The following PEX6 variants were observed in gnomAD, a reference collection of about 807,000 sequenced individuals.
PEX6 encodes peroxisomal biogenesis factor 6.
Under a neutral mutation model 85.6 loss-of-function variants are expected in PEX6, and 55 were observed. That is an observed-to-expected ratio of 0.64 (90% CI 0.52 to 0.80). The LOEUF (loss-of-function observed/expected upper bound fraction) is 0.80, where lower values mean the gene tolerates loss of function less well. PEX6 is among the 30% of genes least tolerant of loss of function. The probability of loss-of-function intolerance (pLI) is 0.00; values close to 1 mark genes in which losing one functional copy is unlikely to be tolerated. For missense variants in PEX6, 1,099 were observed against 1,260.3 expected (o/e 0.87, Z 1.94); for synonymous variants, 519 against 549.1 (o/e 0.95, Z 0.77).
chr6:42,966,941 C>A, intron 8 of PEX6, 83 bp from the exon 9 acceptor site: 1 of 961,286 alleles, frequency 1.0e-6, no homozygotes, highest in Non-Finnish European at 1.7e-6. Context: ...AGAGCAGAGG[C>A]CCTCTGTTGA....
intron 1 of PEX6, 95 bp downstream of exon 1, chr6:42,978,174 T>C (rs1770384357): frequency 2.1e-6 from 3 of 1,416,056 alleles, no homozygotes; most frequent in Admixed American, 1.7e-5. Context: ...TCCGGGATGA[T>C]ATGGGGCACG....
chr6:42,974,442 G>GTTTTTTTT (rs71855084), intron 2 of PEX6, among the ~76,000 whole-genome samples: 19 of 115,942 alleles, frequency 1.6e-4, no homozygotes, highest in Non-Finnish European at 2.6e-4. Flanking sequence ...TGTCTGAAAT[G>GTTTTTTTT]TTTTTTTTGT....
intron 3 of PEX6, among the ~76,000 whole-genome samples, chr6:42,972,536 C>T (rs886943002): frequency 1.3e-5 from 2 of 152,158 alleles, no homozygotes; most frequent in East Asian, 1.9e-4. Context: ...TTTGGGAGGC[C>T]GAGGCGGGCG....
Position 42,964,286 on chromosome 6 carries a change from C to G in PEX6, c.*49G>C. The G allele has an allele frequency of 6.2e-7, 1 of 1,609,694 alleles. No homozygotes were observed. The highest frequency in any genetic ancestry group is 8.5e-7 in the Non-Finnish European group (1 of 1,177,210). ...CTTCCCAGATCTCTCTGTGGGCTAT[C>G]AAGGTACCTGCAGCCATGCTGAGCG... On this transcript the variant is annotated 3_prime_UTR_variant, in exon 17 of 17. Transcript: ENST00000304611. The surrounding 1 kb of genome is among the most constrained non-coding windows in gnomAD (Gnocchi z 4.6).
At chr6:42,977,989 A>AT (rs1770375710) in intron 1 of PEX6, among the ~76,000 whole-genome samples, 1 of 151,446 alleles carries the variant, frequency 6.6e-6, no homozygotes. Context: ...GATTAGAGGC[A>AT]TGCACCACCA....
In PEX6 at chr6:42,971,977, T is replaced by G. The variant is rs1039792007; in HGVS notation, c.1131-1990A>C. ...AGCCTGGCATTTTCCACCAGACTCG[T>G]GGACTTAATCTGGAAAACCTCGAAG... On this transcript the variant is annotated intron_variant, in intron 3 of 16. Transcript: ENST00000304611. The surrounding 1 kb of genome is among the most constrained non-coding windows in gnomAD (Gnocchi z 4.4). Among the ~76,000 whole-genome samples, 16 of 152,308 alleles carry G rather than the reference T, an allele frequency of 1.1e-4. No individual in the cohort carries two copies. Among genetic ancestry groups the G allele is most frequent in the African/African-American group, 3.8e-4 (16 of 41,578 alleles).
chr6:42,971,034 CAG>C lies in PEX6; in HGVS notation c.1131-1049_1131-1048del, dbSNP rs1241118815. ...TAATCCTCAGGCAGCAAGGCAATGA[CAG>C]AGTCAGGCTATAACCTAGTCCTCTT... On this transcript the variant is annotated intron_variant, in intron 3 of 16. Coordinates refer to ENST00000304611, the MANE Select transcript of PEX6 (RefSeq NM_000287.4). The surrounding 1 kb of genome is among the most constrained non-coding windows in gnomAD (Gnocchi z 4.4). Among the ~76,000 whole-genome samples the C allele has an allele frequency of 1.3e-5, 2 of 152,180 alleles. No homozygotes were observed. Among genetic ancestry groups the C allele is most frequent in the East Asian group, 1.9e-4 (1 of 5,204 alleles).
At chr6:42,978,117 T>C in intron 1 of PEX6, 152 bp downstream of exon 1, 1 of 913,946 alleles carries the variant, frequency 1.1e-6, no homozygotes, top group East Asian at 2.6e-5. Context: ...AGTGCTGGGA[T>C]TACAGGCGTG....
At chr6:42,972,192 A>C (rs1264956337) in intron 3 of PEX6, among the ~76,000 whole-genome samples, 1 of 152,240 alleles carries the variant, frequency 6.6e-6, no homozygotes, top group African/African-American at 2.4e-5. Flanking sequence ...GAAGGCTCTT[A>C]TGTATGAGTT....
rs892554812 is a variant in PEX6 at position 42,965,234 on chromosome 6, G to A, written c.2588+18C>T. ...AGGCACAAAATGAGGGTGGAGATGA[G>A]CAGTACAAGGGGCCCACCTGCCAGG... On this transcript the variant is annotated intron_variant, in intron 14 of 16. Coordinates refer to ENST00000304611, the MANE Select transcript of PEX6 (RefSeq NM_000287.4). This position sits in a 1 kb window ranked among gnomAD's most constrained non-coding sequence, Gnocchi z 5.0. 3 of 1,608,132 alleles carry A rather than the reference G, an allele frequency of 1.9e-6. No homozygotes were observed. The highest frequency in any genetic ancestry group is 2.7e-5 in the African/African-American group (2 of 74,964).
chr6:42,969,308 C>T (rs2114246661), intron 5 of PEX6, among the ~76,000 whole-genome samples: 1 of 152,332 alleles, frequency 6.6e-6, no homozygotes, highest in Admixed American at 6.5e-5. Flanking sequence ...AGGTGGGGAT[C>T]TGCGTCCACA....
rs530305150 is a variant in PEX6 at position 42,974,905 on chromosome 6, C to T, written c.1016G>A (p.Gly339Asp). The T allele has an allele frequency of 1.9e-6, 3 of 1,614,014 alleles. No individual in the cohort carries two copies. The highest frequency in any genetic ancestry group is 2.2e-5 in the East Asian group (1 of 44,884). ...TATCTGAAAGTGCCGGTAAAGAACA[C>T]CGTCATAATTTCCATTAGTGCTGTA... ...PHYSTNGNYDGVLYRHFQIPR... is the reference protein window; with the variant it reads ...PHYSTNGNYDDVLYRHFQIPR... Residue 339 changes from glycine (G) to aspartate (D), a missense_variant, in exon 2 of 17, where the codon GGT (glycine) becomes GAT (aspartate). This residue lies in a region of PEX6 where 579 missense variants were observed against 611.6 expected (regional missense o/e 0.95). Coordinates refer to ENST00000304611, the MANE Select transcript of PEX6 (RefSeq NM_000287.4).
chr6:42,973,109 C>G (rs1452609007), intron 3 of PEX6, among the ~76,000 whole-genome samples: 1 of 152,076 alleles, frequency 6.6e-6, no homozygotes, highest in Non-Finnish European at 1.5e-5. Context: ...CCTCCCAGGT[C>G]CAAGTGATTC....
chr6:42,973,935 G>A lies in PEX6; in HGVS notation c.1130+68C>T, dbSNP rs1770160498. 5.8e-6 allele frequency: 6 copies of A among 1,026,784 alleles called. No homozygotes were observed. The Admixed American group carries it at 8.5e-5, about 15-fold the overall frequency. 63.6% of individuals were successfully genotyped at this position (1,026,784 alleles called of 1,614,324 possible). ...GCACAAATTACACATGATTTGCAGG[G>A]AGGGGATTGTAGAACTCATGCACCC... On this transcript the variant is annotated intron_variant, in intron 3 of 16. Transcript: ENST00000304611.
chr6:42,964,337 A>G lies in PEX6; in HGVS notation c.2941T>C (p.Ter981GlnextTer52). 6.2e-7 allele frequency: 1 copy of G among 1,613,592 alleles called. No homozygotes were observed. The highest frequency in any genetic ancestry group is 8.5e-7 in the Non-Finnish European group (1 of 1,179,960). Residue 981 changes from the stop codon to glutamine, a stop_lost, in exon 17 of 17, where the codon TAG becomes CAG. Coordinates refer to ENST00000304611, the MANE Select transcript of PEX6 (RefSeq NM_000287.4). This position sits in a 1 kb window ranked among gnomAD's most constrained non-coding sequence, Gnocchi z 4.6. ...GGGTCCCAGACCCTGGGGGGCTCCT[A>G]GCAGGCAGCAAACTTGCGCTGGATG... ...KRIQRKFAAC[*>Q]
chr6:42,977,813 A>G (rs1325957964), intron 1 of PEX6, among the ~76,000 whole-genome samples: 2 of 149,066 alleles, frequency 1.3e-5, no homozygotes, highest in Non-Finnish European at 3.0e-5. Context: ...GAAAAAGAAA[A>G]TAGATAAATG....
chr6:42,966,051 C>A lies in PEX6; in HGVS notation c.2355G>T (p.Val785=). ...CCCTCCCTGCTCACTCACCTTCCCG[C>A]ACATTCTCCTCACTTTGGCCCACAT... is the stretch of plus-strand genomic sequence containing the variant. ...NMYVGQSEEN[V]REVFARARAA... The change falls in exon 12 of 17, where the codon GTG becomes GTT. Residue 785 remains valine (V), a synonymous_variant. Coordinates refer to ENST00000304611, the MANE Select transcript of PEX6 (RefSeq NM_000287.4). 6.2e-7 allele frequency: 1 copy of A among 1,614,086 alleles called. No individual in the cohort carries two copies. The highest frequency in any genetic ancestry group is 1.3e-5 in the African/African-American group (1 of 75,036).
At position 42,978,092 on chromosome 6, in the gene PEX6, G is replaced by A. The variant is rs1770380247; in HGVS notation, c.882+177C>T. On this transcript the variant is annotated intron_variant, in intron 1 of 16. Transcript: ENST00000304611. ...ACTCCCGACCCCAAGTGATCCGCTC[G>A]CCTCGGCCTCCCAAAGTGCTGGGAT... 2.0e-5 allele frequency among the ~76,000 whole-genome samples: 3 copies of A among 152,098 alleles called. No homozygotes were observed. The South Asian group carries it at 6.2e-4, about 32-fold the overall frequency.
At chr6:42,978,212 A>G in intron 1 of PEX6, 57 bp downstream of exon 1, 1 of 1,582,344 alleles carries the variant, frequency 6.3e-7, no homozygotes, top group Non-Finnish European at 8.7e-7. Context: ...TTTACCTAAG[A>G]CAGAGAAGAG....
Sources: allele counts gnomAD v4.1 joint callset (sites outside exome capture counted in the v4.1 genomes callset), GRCh38; gene constraint gnomAD v4.1.1; regional missense constraint gnomAD v4.1.1; non-coding constraint Gnocchi (gnomAD v3.1); transcripts MANE v1.5; gene names NCBI Gene and HGNC (gene_info 2026-07-23, HGNC 2026-07-21).